Variants in DPYD observed in about 807,000 individuals in gnomAD.
DPYD encodes the protein dihydropyrimidine dehydrogenase [NADP(+)].
In DPYD, 109 loss-of-function variants were observed where a neutral mutation model predicts 116.2. That is an observed-to-expected ratio of 0.94 (90% CI 0.80 to 1.10). DPYD has a LOEUF of 1.10. Among genes scored for constraint, DPYD ranks in the 50% least tolerant of loss-of-function variants. DPYD has a pLI of 0.00. For synonymous variants in DPYD, 440 were observed against 432.0 expected (o/e 1.02, Z -0.23); for missense variants, 1,302 against 1,254.5 (o/e 1.04, Z -0.57).
At chr1:97,411,011 T>C (rs986587972) in intron 14 of DPYD, among the ~76,000 whole-genome samples, 2 of 152,070 alleles carry the variant, frequency 1.3e-5, no homozygotes, top group Admixed American at 6.6e-5. Flanking sequence ...ATGGCTACAA[T>C]GTTGGGTGAG....
intron 11 of DPYD, among the ~76,000 whole-genome samples, chr1:97,564,555 T>C (rs1317915288): frequency 6.6e-6 from 1 of 152,154 alleles, no homozygotes; most frequent in East Asian, 1.9e-4. Flanking sequence ...ATTCTCTGTT[T>C]CCTTAGTTCT....
chr1:97,552,679 T>C (rs1043446635), intron 11 of DPYD, among the ~76,000 whole-genome samples: 2 of 152,102 alleles, frequency 1.3e-5, no homozygotes, highest in Non-Finnish European at 2.9e-5. Context: ...CTGTTTTAAT[T>C]ATTTTATCAT....
At chr1:97,758,475 C>T (rs933564202) in intron 3 of DPYD, among the ~76,000 whole-genome samples, 4 of 151,994 alleles carry the variant, frequency 2.6e-5, no homozygotes, top group African/African-American at 9.7e-5. Context: ...ATAGTTGAGG[C>T]CTCTCCTAAA....
intron 10 of DPYD, among the ~76,000 whole-genome samples, chr1:97,580,776 C>A (rs947984557): frequency 6.6e-6 from 1 of 152,144 alleles, no homozygotes; most frequent in Non-Finnish European, 1.5e-5. Flanking sequence ...TGATGTCTTA[C>A]CCTCGCCTGT....
chr1:97,787,159 C>T (rs1041681970), intron 3 of DPYD, among the ~76,000 whole-genome samples: 1 of 152,050 alleles, frequency 6.6e-6, no homozygotes, highest in African/African-American at 2.4e-5. Flanking sequence ...ACAAATAATA[C>T]CTAAATTCAG....
chr1:97,625,389 A>G (rs7535694), intron 8 of DPYD, among the ~76,000 whole-genome samples: 5,240 of 152,100 alleles, frequency 0.034, 308 homozygotes, highest in African/African-American at 0.12. Context: ...TTAGAGTAGT[A>G]TCAGAGGCAA....
chr1:97,129,499 G>A (rs558707653), intron 20 of DPYD, among the ~76,000 whole-genome samples: 2 of 152,070 alleles, frequency 1.3e-5, no homozygotes, highest in East Asian at 1.9e-4. Context: ...AGAAAGCTTC[G>A]TGTGACCTCT....
In DPYD at chr1:97,586,695, C is replaced by A. The variant is rs955398695; in HGVS notation, c.1128+6523G>T. 9.9e-5 allele frequency among the ~76,000 whole-genome samples: 15 copies of A among 151,282 alleles called. No homozygotes were observed. In the South Asian group the frequency reaches 1.0e-3, roughly 10 times the overall value. On this transcript the variant is annotated intron_variant, in intron 10 of 22. Transcript: ENST00000370192. Reference sequence around the variant, plus strand: ...GGCACAAGCTTTTGTTGGCTCCTGGCCTATTTGCAGTCTTCTTTTTTTTCC... The same window carrying A: ...GGCACAAGCTTTTGTTGGCTCCTGGACTATTTGCAGTCTTCTTTTTTTTCC...
chr1:97,551,131 T>C (rs912570673), intron 11 of DPYD, among the ~76,000 whole-genome samples: 1 of 152,190 alleles, frequency 6.6e-6, no homozygotes, highest in Non-Finnish European at 1.5e-5. Flanking sequence ...GATGGGTCAA[T>C]GCTATCATAC....
At chr1:97,460,652 TCTGA>T (rs1390915804) in intron 13 of DPYD, among the ~76,000 whole-genome samples, 14 of 152,168 alleles carry the variant, frequency 9.2e-5, no homozygotes, top group Non-Finnish European at 1.9e-4. Flanking sequence ...GTTTCTTTTA[TCTGA>T]CTAAAGGAAA....
At chr1:97,466,942 G>C (rs1362673337) in intron 13 of DPYD, among the ~76,000 whole-genome samples, 2 of 152,124 alleles carry the variant, frequency 1.3e-5, no homozygotes, top group Admixed American at 1.3e-4. Context: ...GCCTGCAGTG[G>C]GGGGTGGAGG....
At chr1:97,820,694 C>T (rs1668877907) in intron 3 of DPYD, among the ~76,000 whole-genome samples, 1 of 152,140 alleles carries the variant, frequency 6.6e-6, no homozygotes, top group Admixed American at 6.6e-5. Flanking sequence ...AAAAAGAATA[C>T]ATTTCAGAGA....
intron 3 of DPYD, among the ~76,000 whole-genome samples, chr1:97,755,948 T>C (rs1375387436): frequency 6.6e-6 from 1 of 152,184 alleles, no homozygotes; most frequent in African/African-American, 2.4e-5. Context: ...TGTTTTTTAA[T>C]AGCCACTTGG....
intron 18 of DPYD, among the ~76,000 whole-genome samples, chr1:97,284,764 C>T (rs1244948456): frequency 6.6e-6 from 1 of 152,108 alleles, no homozygotes; most frequent in Non-Finnish European, 1.5e-5. Flanking sequence ...TATTTTTCTA[C>T]ATTTTCTGGA....
At chr1:97,655,441 A>C (rs1658851010) in intron 8 of DPYD, among the ~76,000 whole-genome samples, 1 of 152,176 alleles carries the variant, frequency 6.6e-6, no homozygotes, top group Non-Finnish European at 1.5e-5. Flanking sequence ...CTCTCAGAAG[A>C]TGCTTTTTGC....
At chr1:97,265,000 A>AT (rs34338692) in intron 18 of DPYD, among the ~76,000 whole-genome samples, 48,461 of 151,880 alleles carry the variant, frequency 0.32, 8,183 homozygotes, top group Non-Finnish European at 0.37. Flanking sequence ...TGTCCCTTCA[A>AT]TTTTACCCCA....
At chr1:97,157,483 C>A (rs1655558341) in intron 20 of DPYD, among the ~76,000 whole-genome samples, 2 of 152,034 alleles carry the variant, frequency 1.3e-5, no homozygotes, top group African/African-American at 4.8e-5. Context: ...TTATTACCGA[C>A]CCCTGAGGAA....
chr1:97,248,446 C>T (rs1422907146), intron 18 of DPYD, among the ~76,000 whole-genome samples: 1 of 152,158 alleles, frequency 6.6e-6, no homozygotes. Flanking sequence ...GCCTCCCCAG[C>T]CACATGGAAC....
intron 14 of DPYD, among the ~76,000 whole-genome samples, chr1:97,412,772 C>A (rs1339514809): frequency 1.3e-5 from 2 of 152,164 alleles, no homozygotes; most frequent in African/African-American, 4.8e-5. Flanking sequence ...AAAGCAAGAA[C>A]AGCCTCTAGA....
Sources: allele counts gnomAD v4.1 joint callset (sites outside exome capture counted in the v4.1 genomes callset), GRCh38; gene constraint gnomAD v4.1.1; transcripts MANE v1.5; gene names NCBI Gene and HGNC (gene_info 2026-07-23, HGNC 2026-07-21).